Variants in PLAAT3 observed in about 807,000 individuals in gnomAD.
PLAAT3 encodes the protein Ca-independent phospholipase A1/2.
A neutral mutation model predicts 16.7 loss-of-function variants in PLAAT3; 21 were observed. The observed-to-expected ratio is 1.26, with a 90% CI of 0.89 to 1.81. The LOEUF (loss-of-function observed/expected upper bound fraction) is 1.81, where lower values mean the gene tolerates loss of function less well. Ranked by LOEUF, PLAAT3 falls within the 40% of genes most tolerant of loss-of-function variation. The probability of loss-of-function intolerance (pLI) is 0.00; values close to 1 mark genes in which losing one functional copy is unlikely to be tolerated. For synonymous variants in PLAAT3, 76 were observed against 81.7 expected (o/e 0.93, Z 0.38); for missense variants, 219 against 213.7 (o/e 1.02, Z -0.16).
At position 63,590,697 on chromosome 11, in the gene PLAAT3, G is replaced by C. The variant is rs1938131121; in HGVS notation, c.119-329C>G. 2.0e-5 allele frequency among the ~76,000 whole-genome samples: 3 copies of C among 152,182 alleles called. No homozygotes were observed. In the South Asian group the frequency reaches 6.2e-4, roughly 31 times the overall value. On this transcript the variant is annotated intron_variant, in intron 3 of 4. Coordinates refer to ENST00000415826, the MANE Select transcript of PLAAT3 (RefSeq NM_001128203.2). ...AGCCAAGAGCATACTCATCCACCTGGGAAGATAAGGTGGGAGACTTTTATG... is the reference window on the plus strand; with the variant it reads ...AGCCAAGAGCATACTCATCCACCTGCGAAGATAAGGTGGGAGACTTTTATG...
intron 4 of PLAAT3, among the ~76,000 whole-genome samples, chr11:63,589,413 G>A (rs6591815): frequency 0.77 from 95,704 of 124,550 alleles, 34,467 homozygotes; most frequent in African/African-American, 0.8. Flanking sequence ...CCTATGCAAA[G>A]AAAAAAAAAA....
intron 2 of PLAAT3, among the ~76,000 whole-genome samples, chr11:63,605,584 G>A (rs979105892): frequency 4.0e-5 from 6 of 151,808 alleles, no homozygotes; most frequent in African/African-American, 9.7e-5. Context: ...ACGGAGTCTC[G>A]CACTGTCGCC....
intron 4 of PLAAT3, among the ~76,000 whole-genome samples, chr11:63,578,237 G>A (rs1565245866): frequency 6.6e-6 from 1 of 151,748 alleles, no homozygotes; most frequent in East Asian, 1.9e-4. Flanking sequence ...GAGCTGAGAT[G>A]GTGCCACTGC....
intron 2 of PLAAT3, among the ~76,000 whole-genome samples, chr11:63,607,882 A>AT (rs1302788425): frequency 6.6e-6 from 1 of 151,742 alleles, no homozygotes; most frequent in East Asian, 1.9e-4. Context: ...CAAGCCTGGA[A>AT]TTTTTTTTAA....
chr11:63,612,602 G>A (rs1397416390), intron 2 of PLAAT3, among the ~76,000 whole-genome samples: 1 of 152,230 alleles, frequency 6.6e-6, no homozygotes, highest in Admixed American at 6.5e-5. Context: ...TGCAAAGATT[G>A]ATTTTGACAA....
At chr11:63,609,587 G>T (rs1276816598) in intron 2 of PLAAT3, among the ~76,000 whole-genome samples, 2 of 152,256 alleles carry the variant, frequency 1.3e-5, no homozygotes, top group Admixed American at 6.5e-5. Flanking sequence ...CCGCACGCAG[G>T]CTGGGTGAGG....
chr11:63,582,928 C>T lies in PLAAT3; in HGVS notation c.387+7172G>A, dbSNP rs1372045352. Among the ~76,000 whole-genome samples the T allele has an allele frequency of 1.3e-5, 2 of 152,190 alleles. 1 individual carries two copies. The highest frequency in any genetic ancestry group is 4.1e-4 in the South Asian group (2 of 4,820). ...CAGGCGGATGATGAGGTCAGGAGTT[C>T]GAGACCAGCCTGACCAACATGGTGA... On this transcript the variant is annotated intron_variant, in intron 4 of 4. Transcript: ENST00000415826.
intron 3 of PLAAT3, among the ~76,000 whole-genome samples, chr11:63,593,901 A>G (rs1399708313): frequency 6.6e-6 from 1 of 152,074 alleles, no homozygotes; most frequent in Non-Finnish European, 1.5e-5. Flanking sequence ...CTTTCAAACA[A>G]TCACACCACC....
chr11:63,610,328 G>A (rs1264494855), intron 2 of PLAAT3, among the ~76,000 whole-genome samples: 1 of 152,214 alleles, frequency 6.6e-6, no homozygotes, highest in Non-Finnish European at 1.5e-5. Flanking sequence ...TGCCTCCACA[G>A]CCAAGCCATA....
At chr11:63,586,077 C>A (rs1325989138) in intron 4 of PLAAT3, among the ~76,000 whole-genome samples, 1 of 151,958 alleles carries the variant, frequency 6.6e-6, no homozygotes, top group Non-Finnish European at 1.5e-5. Context: ...ATCAGCCAGG[C>A]ATGGTGATGT....
rs542201918 is a variant in PLAAT3, at chr11:63,576,583, A to T, written c.388-1537T>A. ...ATTTGCAGTGAGCAAAGACTGCGCC[A>T]TTGGGCTCCGTCCTTGGCAACACAG... On this transcript the variant is annotated intron_variant, in intron 4 of 4. Transcript: ENST00000415826. 3.3e-4 allele frequency among the ~76,000 whole-genome samples: 51 copies of T among 152,360 alleles called. No individual in the cohort carries two copies. The South Asian group carries it at 5.2e-3, about 15-fold the overall frequency.
intron 4 of PLAAT3, among the ~76,000 whole-genome samples, chr11:63,588,881 T>C (rs1938055232): frequency 6.9e-6 from 1 of 144,276 alleles, no homozygotes; most frequent in Non-Finnish European, 1.5e-5. Flanking sequence ...ATGAAGAGAG[T>C]AAGAGTGATT....
intron 4 of PLAAT3, among the ~76,000 whole-genome samples, chr11:63,581,041 CTT>C (rs1937798802): frequency 3.3e-5 from 5 of 152,218 alleles, no homozygotes; most frequent in African/African-American, 1.2e-4. Flanking sequence ...AATTAATACT[CTT>C]ATAATTTCTT....
intron 2 of PLAAT3, among the ~76,000 whole-genome samples, chr11:63,601,253 A>C (rs1193819439): frequency 3.3e-5 from 5 of 151,368 alleles, no homozygotes; most frequent in African/African-American, 1.2e-4. Flanking sequence ...ATGGGGTTTC[A>C]CCATGTTAGC....
chr11:63,590,767 T>C (rs2134408570), intron 3 of PLAAT3, among the ~76,000 whole-genome samples: 1 of 152,304 alleles, frequency 6.6e-6, no homozygotes, highest in South Asian at 2.1e-4. Context: ...AGCTGCTTAC[T>C]GCAGAAAACA....
chr11:63,596,282 T>C (rs560584709), intron 3 of PLAAT3, among the ~76,000 whole-genome samples: 2 of 126,646 alleles, frequency 1.6e-5, no homozygotes, highest in South Asian at 5.6e-4. Context: ...GTGTGTTGCA[T>C]ACAAAGTCAC....
chr11:63,613,789 C>T (rs1006541359), intron 2 of PLAAT3, among the ~76,000 whole-genome samples: 1 of 152,278 alleles, frequency 6.6e-6, no homozygotes, highest in African/African-American at 2.4e-5. Flanking sequence ...AGGGCGCCCC[C>T]ACACCGGCCC....
chr11:63,586,147 T>G (rs2134401038), intron 4 of PLAAT3, among the ~76,000 whole-genome samples: 1 of 152,258 alleles, frequency 6.6e-6, no homozygotes, highest in African/African-American at 2.4e-5. Flanking sequence ...TGTATGTGTG[T>G]GTTTGAGAAG....
intron 2 of PLAAT3, among the ~76,000 whole-genome samples, chr11:63,606,254 CT>C (rs1313918899): frequency 6.6e-6 from 1 of 152,072 alleles, no homozygotes. Flanking sequence ...GGGCGTGGAG[CT>C]TTTTGTTCAG....
Sources: gnomAD v4.1 joint callset for allele counts (sites outside exome capture counted in the v4.1 genomes callset) on GRCh38, gnomAD v4.1.1 for gene constraint, MANE v1.5 for transcripts, NCBI Gene and HGNC (gene_info 2026-07-23, HGNC 2026-07-21) for gene names.